The following LPIN1 variants were observed in gnomAD, a reference collection of about 807,000 sequenced individuals.
LPIN1 encodes the protein lipin 1.
A neutral mutation model predicts 107.5 loss-of-function variants in LPIN1; 71 were observed. The observed-to-expected ratio is 0.66, with a 90% CI of 0.55 to 0.80. The LOEUF (loss-of-function observed/expected upper bound fraction) is 0.80. LPIN1 is among the 30% of genes least tolerant of loss of function. The pLI is 0.00. For synonymous variants in LPIN1, 445 were observed against 452.6 expected (o/e 0.98, Z 0.21); for missense variants, 1,043 against 1,160.6 (o/e 0.90, Z 1.47).
chr2:11,791,696 C>T (rs201113084), intron 12 of LPIN1: 3 of 1,386,674 alleles, frequency 2.2e-6, no homozygotes, highest in Non-Finnish European at 2.9e-6. Context: ...ATTCCTTTAA[C>T]ATCTTCTTAA....
chr2:11,721,808 A>C (rs1392240577), upstream of LPIN1: 1 of 152,388 alleles, frequency 6.6e-6, no homozygotes, highest in African/African-American at 2.4e-5. Context: ...GAAGGGTGAC[A>C]CAAACCTCCA....
intron 1 of LPIN1, among the ~76,000 whole-genome samples, chr2:11,753,222 A>T (rs1572577632): frequency 9.3e-6 from 1 of 107,842 alleles, no homozygotes; most frequent in African/African-American, 4.2e-5. Flanking sequence ...TGGTGGCGGG[A>T]CCCCAGGGCT....
intron 2 of LPIN1, among the ~76,000 whole-genome samples, chr2:11,714,906 G>T (rs1663630337): frequency 6.6e-6 from 1 of 152,250 alleles, no homozygotes; most frequent in South Asian, 2.1e-4. Context: ...AGAGTGAGAG[G>T]TTCGTCGTTG....
chr2:11,685,874 G>A (rs1009824963), intron 1 of LPIN1, among the ~76,000 whole-genome samples: 1 of 151,916 alleles, frequency 6.6e-6, no homozygotes, highest in Non-Finnish European at 1.5e-5. Flanking sequence ...CATTCTCCCC[G>A]TGCCTCTGCT....
intron 1 of LPIN1, among the ~76,000 whole-genome samples, chr2:11,725,057 C>G (rs576393740): frequency 2.6e-5 from 4 of 152,114 alleles, no homozygotes; most frequent in Admixed American, 6.5e-5. Flanking sequence ...GTCAGGAGAT[C>G]GAGACCATCC....
chr2:11,699,631 T>G (rs1285609255), intron 1 of LPIN1, among the ~76,000 whole-genome samples: 1 of 152,178 alleles, frequency 6.6e-6, no homozygotes, highest in East Asian at 1.9e-4. Context: ...ATCGGTTGAC[T>G]GTGTGCAGTC....
intron 17 of LPIN1, among the ~76,000 whole-genome samples, chr2:11,808,927 G>A (rs1487012962): frequency 6.6e-6 from 1 of 151,572 alleles, no homozygotes; most frequent in Non-Finnish European, 1.5e-5. Flanking sequence ...CTTGCAGTTA[G>A]CCACTTGCCT....
chr2:11,709,695 A>C (rs1359341180), intron 1 of LPIN1, among the ~76,000 whole-genome samples: 3 of 152,254 alleles, frequency 2.0e-5, no homozygotes, highest in Non-Finnish European at 4.4e-5. Flanking sequence ...CTGCTTTTAC[A>C]AAAATCTACA....
At chr2:11,761,636 G>A (rs1572644728) in intron 1 of LPIN1, among the ~76,000 whole-genome samples, 5 of 152,040 alleles carry the variant, frequency 3.3e-5, no homozygotes, top group South Asian at 2.1e-4. Context: ...AATTAAATCC[G>A]CAGTTCTTAC....
At chr2:11,685,341 C>T (rs1661950303) in intron 1 of LPIN1, among the ~76,000 whole-genome samples, 1 of 152,184 alleles carries the variant, frequency 6.6e-6, no homozygotes, top group South Asian at 2.1e-4. Context: ...AGGCATTGGC[C>T]TCGACCCCAC....
rs375530084 is a variant in LPIN1 at position 11,782,288 on chromosome 2, G to A, written c.1045G>A (p.Glu349Lys). The A allele has an allele frequency of 5.6e-6, 9 of 1,614,042 alleles. No individual in the cohort carries two copies. Among genetic ancestry groups the A allele is most frequent in the African/African-American group, 4.0e-5 (3 of 74,926 alleles). Reference protein sequence around the residue: ...DKSHFQAIHSESSDTFSDQSP... With the variant: ...DKSHFQAIHSKSSDTFSDQSP... ...AAGTCACTTTCAGGCCATTCACAGC[G>A]AATCTTCAGACACTTTTAGTGACCA... The change falls in exon 8 of 21, where the codon GAA (glutamate) becomes AAA (lysine). Residue 349 changes from glutamate (E) to lysine (K), a missense_variant. Coordinates refer to ENST00000674199, the MANE Select transcript of LPIN1 (RefSeq NM_001349206.2).
intron 13 of LPIN1, among the ~76,000 whole-genome samples, chr2:11,792,855 G>A (rs1676019149): frequency 6.6e-6 from 1 of 152,038 alleles, no homozygotes; most frequent in Non-Finnish European, 1.5e-5. Flanking sequence ...CGCTTGCTTT[G>A]CTTGGCTCCC....
In LPIN1 at chr2:11,784,903, T is replaced by C. The variant is rs779990495; in HGVS notation, c.1376T>C (p.Leu459Pro). ...CCTTCCAGCGGAGATCCTTCCGGAC[T>C]CGCAAAACATGCAAGCGACAACGGA... is the stretch of plus-strand genomic sequence containing the variant. ...YFPKNGDPSG[L>P]AKHASDNGAR... The change falls in exon 10 of 21, where the codon CTC becomes CCC. Residue 459 changes from leucine to proline, a missense_variant. Leu to Pro is a moderately conservative substitution (Grantham distance 98). Transcript: ENST00000674199. The C allele has an allele frequency of 8.1e-6, 13 of 1,613,930 alleles. No individual in the cohort carries two copies. Among genetic ancestry groups the C allele is most frequent in the Non-Finnish European group, 1.1e-5 (13 of 1,179,992 alleles).
chr2:11,715,088 G>A (rs552096696), intron 2 of LPIN1, among the ~76,000 whole-genome samples: 1 of 152,324 alleles, frequency 6.6e-6, no homozygotes, highest in African/African-American at 2.4e-5. Flanking sequence ...TATGCCTGGA[G>A]GGAGAGAAGC....
intron 1 of LPIN1, among the ~76,000 whole-genome samples, chr2:11,747,304 G>A (rs892222813): frequency 1.3e-5 from 2 of 152,242 alleles, no homozygotes; most frequent in Non-Finnish European, 2.9e-5. Context: ...GGCCTAGTGA[G>A]CTCCGTCAGC....
rs1669951582 is a variant in LPIN1 at position 11,762,236 on chromosome 2, G to A, written c.-9-3297G>A. ...GAAGGGTGCACAGGGCAAGGCGGTG[G>A]AGGCGGCGGTGGTGCTTCCATGCCC... On this transcript the variant is annotated intron_variant, in intron 1 of 20. Transcript: ENST00000674199. Among the ~76,000 whole-genome samples the A allele has an allele frequency of 3.3e-5, 5 of 152,046 alleles. No homozygotes were observed. The South Asian group carries it at 1.0e-3, about 32-fold the overall frequency.
chr2:11,724,484 A>C, exon 1 of LPIN1: 5 of 985,872 alleles, frequency 5.1e-6, no homozygotes, highest in Non-Finnish European at 6.0e-6. Context: ...GCAGTGGCCC[A>C]GCCTGCTGAG....
At chr2:11,683,585 G>T (rs1283496422) in intron 1 of LPIN1, among the ~76,000 whole-genome samples, 1 of 152,136 alleles carries the variant, frequency 6.6e-6, no homozygotes, top group Non-Finnish European at 1.5e-5. Flanking sequence ...TTTTACTCTG[G>T]GAAGTAACGG....
chr2:11,803,939 C>T lies in LPIN1; in HGVS notation c.2014-484C>T, dbSNP rs1678204823. Among the ~76,000 whole-genome samples the T allele has an allele frequency of 6.6e-6, 1 of 151,996 alleles. No homozygotes were observed. ...CTGATAACCAAGACTTCTCTTTTTC[C>T]AATTCGTGTCAGTATAATAATAATT... On this transcript the variant is annotated intron_variant, in intron 15 of 20. Transcript: ENST00000674199. The surrounding 1 kb of genome is among the most constrained non-coding windows in gnomAD (Gnocchi z 4.2).
Sources: gnomAD v4.1 joint callset for allele counts (sites outside exome capture counted in the v4.1 genomes callset) on GRCh38, gnomAD v4.1.1 for gene constraint, Gnocchi (gnomAD v3.1) non-coding constraint, MANE v1.5 for transcripts, NCBI Gene and HGNC (gene_info 2026-07-23, HGNC 2026-07-21) for gene names.